The following ASIC2 variants were observed in gnomAD, a reference collection of about 807,000 sequenced individuals.
ASIC2 encodes the protein acid sensing ion channel subunit 2.
In ASIC2, 25 loss-of-function variants were observed where a neutral mutation model predicts 57.3. That is an observed-to-expected ratio of 0.44 (90% CI 0.32 to 0.61). The LOEUF (loss-of-function observed/expected upper bound fraction) is 0.61, where lower values mean the gene tolerates loss of function less well. Ranked by LOEUF, ASIC2 falls within the 20% of genes least tolerant of loss-of-function variation. ASIC2 has a pLI of 0.06. For missense variants in ASIC2, 641 were observed against 738.1 expected, an observed-to-expected ratio of 0.87 and a Z score of 1.52; for synonymous variants, 319 against 307.5, an observed-to-expected ratio of 1.04 and a Z score of -0.39.
intron 1 of ASIC2, among the ~76,000 whole-genome samples, chr17:33,358,254 C>A (rs542026623): frequency 6.6e-6 from 1 of 152,200 alleles, no homozygotes; most frequent in Non-Finnish European, 1.5e-5. Flanking sequence ...TTCACTCCAA[C>A]GGCAGAAGAA....
rs116624588 is a variant in ASIC2 at position 33,363,751 on chromosome 17, A to G, written c.556-251684T>C. ...CGGCAACAGGGGAGCAGTGGTGGCT[A>G]CTCTCTAAGGTGATCTATGGCTCCA... On this transcript the variant is annotated intron_variant, in intron 1 of 9. Transcript: ENST00000359872. 6.0e-3 allele frequency among the ~76,000 whole-genome samples: 919 copies of G among 152,034 alleles called. 5 individuals are homozygous for G. Among genetic ancestry groups the G allele is most frequent in the African/African-American group, 0.021 (868 of 41,462 alleles).
At chr17:33,552,556 T>C (rs1219626316) in intron 1 of ASIC2, among the ~76,000 whole-genome samples, 2 of 152,220 alleles carry the variant, frequency 1.3e-5, no homozygotes, top group African/African-American at 4.8e-5. Context: ...CTGACATGAC[T>C]GCAGTTTCCT....
intron 1 of ASIC2, among the ~76,000 whole-genome samples, chr17:33,207,726 A>G (rs1907118013): frequency 6.6e-6 from 1 of 152,146 alleles, no homozygotes. Context: ...GACAGCCAAG[A>G]GCCAAGAGCA....
intron 1 of ASIC2, among the ~76,000 whole-genome samples, chr17:33,464,480 CTCTCTTTCTTTCTT>C: frequency 1.4e-5 from 1 of 73,758 alleles, no homozygotes; most frequent in African/African-American, 6.2e-5. Flanking sequence ...TCTTTCTTTT[CTCTCTTTCTTTCTT>C]TCTTTCTTTC....
At position 33,080,259 on chromosome 17, in the gene ASIC2, T is replaced by C. The variant is rs192289227; in HGVS notation, c.987+8604A>G. Among the ~76,000 whole-genome samples, 4 of 151,644 alleles carry C rather than the reference T, an allele frequency of 2.6e-5. No individual in the cohort carries two copies. The East Asian group carries it at 7.8e-4, about 29-fold the overall frequency. On this transcript the variant is annotated intron_variant, in intron 3 of 9. Coordinates refer to ENST00000225823, the MANE Select transcript of ASIC2 (RefSeq NM_183377.2). The stretch of plus-strand genomic sequence containing the variant: ...GTGAAGAGGAGTGTCTCAGGGAGGG[T>C]GTGGTCCACAGTCCACATGCTGTTC...
chr17:34,087,773 A>G (rs958840504), intron 1 of ASIC2, among the ~76,000 whole-genome samples: 2 of 151,642 alleles, frequency 1.3e-5, no homozygotes, highest in African/African-American at 4.8e-5. Flanking sequence ...TTCCCTTCTC[A>G]CTTCATTTCA....
chr17:33,080,876 G>A (rs904365463), intron 3 of ASIC2, among the ~76,000 whole-genome samples: 3 of 152,080 alleles, frequency 2.0e-5, no homozygotes, highest in Admixed American at 1.3e-4. Flanking sequence ...ATTTCATCAC[G>A]CTGTTCAGAA....
intron 2 of ASIC2, among the ~76,000 whole-genome samples, chr17:33,100,778 T>C (rs939266741): frequency 2.6e-5 from 4 of 152,176 alleles, no homozygotes; most frequent in East Asian, 1.9e-4. Flanking sequence ...ATTCACTAAA[T>C]TGGGGACATG....
At chr17:33,454,873 T>TAAG (rs1912394515) in intron 1 of ASIC2, among the ~76,000 whole-genome samples, 1 of 152,214 alleles carries the variant, frequency 6.6e-6, no homozygotes, top group Admixed American at 6.5e-5. Context: ...ACCTCTTTTC[T>TAAG]AAAAGCACTA....
At chr17:33,036,000 AG>A (rs2091907315) in intron 3 of ASIC2, among the ~76,000 whole-genome samples, 1 of 152,202 alleles carries the variant, frequency 6.6e-6, no homozygotes, top group Admixed American at 6.5e-5. Flanking sequence ...CCCTCAAGGG[AG>A]AACTCAGGTA....
chr17:33,843,892 A>G (rs925407974), intron 1 of ASIC2, among the ~76,000 whole-genome samples: 3 of 152,218 alleles, frequency 2.0e-5, no homozygotes, highest in African/African-American at 2.4e-5. Flanking sequence ...ACATTTGGTT[A>G]TAATTGTACA....
intron 3 of ASIC2, among the ~76,000 whole-genome samples, chr17:33,032,151 T>C (rs949857744): frequency 2.0e-5 from 3 of 152,232 alleles, no homozygotes; most frequent in Admixed American, 2.0e-4. Context: ...ATGTTGTTCT[T>C]TGTTTCCTAT....
rs565037602 is a variant in ASIC2 at position 33,782,635 on chromosome 17, G to A, written c.555+373343C>T. On this transcript the variant is annotated intron_variant, in intron 1 of 9. Transcript: ENST00000359872. Reference sequence around the variant, plus strand: ...TCCCAGCTACTTGGGAGGCTTAGGTGAGAGGGTTGCCTGAGCCTGGGAAGT... The same window carrying A: ...TCCCAGCTACTTGGGAGGCTTAGGTAAGAGGGTTGCCTGAGCCTGGGAAGT... Among the ~76,000 whole-genome samples, 3 of 152,246 alleles carry A rather than the reference G, an allele frequency of 2.0e-5. No homozygotes were observed. The South Asian group carries it at 6.2e-4, about 32-fold the overall frequency.
At chr17:33,528,927 C>T (rs1914968352) in intron 1 of ASIC2, among the ~76,000 whole-genome samples, 1 of 152,194 alleles carries the variant, frequency 6.6e-6, no homozygotes, top group Non-Finnish European at 1.5e-5. Flanking sequence ...GCCTTTCTGC[C>T]TGCTGCTCAG....
chr17:33,354,461 T>A (rs1398639098), intron 1 of ASIC2, among the ~76,000 whole-genome samples: 1 of 152,030 alleles, frequency 6.6e-6, no homozygotes, highest in Non-Finnish European at 1.5e-5. Context: ...CCACATAAGA[T>A]CCTTCAGTGA....
At chr17:33,980,955 T>TTC (rs1905597087) in intron 1 of ASIC2, 1 of 149,206 alleles carries the variant, frequency 6.7e-6, no homozygotes, top group African/African-American at 2.5e-5. Flanking sequence ...TTTTTTTTTT[T>TTC]AGACAGAATC....
chr17:33,319,910 G>A (rs558889197), intron 1 of ASIC2, among the ~76,000 whole-genome samples: 4 of 152,234 alleles, frequency 2.6e-5, no homozygotes, highest in Middle Eastern at 3.4e-3. Context: ...ATACTACATC[G>A]TATTCATCCC....
At chr17:33,263,594 A>T (rs1236455613) in intron 1 of ASIC2, among the ~76,000 whole-genome samples, 1 of 152,152 alleles carries the variant, frequency 6.6e-6, no homozygotes, top group Admixed American at 6.5e-5. Flanking sequence ...CTGCGGCCCC[A>T]TGAAGACTGC....
At chr17:33,573,355 C>A (rs1290436857) in intron 1 of ASIC2, among the ~76,000 whole-genome samples, 2 of 152,040 alleles carry the variant, frequency 1.3e-5, no homozygotes, top group Non-Finnish European at 2.9e-5. Context: ...ATACCCACGG[C>A]CCATCTCAGG....
Sources: gnomAD v4.1 joint callset for allele counts (sites outside exome capture counted in the v4.1 genomes callset) on GRCh38, gnomAD v4.1.1 for gene constraint, MANE v1.5 for transcripts, NCBI Gene and HGNC (gene_info 2026-07-23, HGNC 2026-07-21) for gene names.